SNTB2: variants seen among roughly 807,000 people sequenced by gnomAD.
SNTB2 encodes the protein beta-2-syntrophin.
SNTB2 carries 34 observed loss-of-function variants against 46.2 expected under a neutral mutation model. The observed-to-expected ratio is 0.74, with a 90% CI of 0.56 to 0.98. The LOEUF (loss-of-function observed/expected upper bound fraction) is 0.98, where lower values mean the gene tolerates loss of function less well. Ranked by LOEUF, SNTB2 falls within the 50% of genes least tolerant of loss-of-function variation. The pLI is 0.00. For synonymous variants in SNTB2, 290 were observed against 312.6 expected (o/e 0.93, Z 0.76); for missense variants, 603 against 731.4 (o/e 0.82, Z 2.02).
chr16:69,296,069 C>T (rs750185985), intron 5 of SNTB2, among the ~76,000 whole-genome samples: 3 of 151,788 alleles, frequency 2.0e-5, no homozygotes, highest in East Asian at 1.9e-4. Context: ...CACCTGAGGT[C>T]GGGAGTTCGA....
intron 1 of SNTB2, among the ~76,000 whole-genome samples, chr16:69,213,651 C>T (rs563232137): frequency 9.9e-5 from 15 of 151,910 alleles, no homozygotes; most frequent in African/African-American, 3.6e-4. Flanking sequence ...AGGCGCGTGC[C>T]ACCACGCCCG....
intron 5 of SNTB2, among the ~76,000 whole-genome samples, chr16:69,288,375 T>A (rs539933410): frequency 6.6e-6 from 1 of 152,358 alleles, no homozygotes; most frequent in South Asian, 2.1e-4. Flanking sequence ...TCCTTGTATT[T>A]TTAAATAGAC....
chr16:69,294,818 A>ATTTTTTTTTTTTTT (rs779924377), intron 5 of SNTB2, among the ~76,000 whole-genome samples: 1 of 140,108 alleles, frequency 7.1e-6, no homozygotes, highest in Non-Finnish European at 1.6e-5. Context: ...GTAGTTTTTG[A>ATTTTTTTTTTTTTT]TTTTTTTTTT....
intron 1 of SNTB2, among the ~76,000 whole-genome samples, chr16:69,211,928 C>G (rs187753343): frequency 6.6e-6 from 1 of 152,246 alleles, no homozygotes; most frequent in South Asian, 2.1e-4. Context: ...AGGAAAAAGT[C>G]TTTTATAGGT....
At chr16:69,262,601 A>G (rs770630957) in intron 3 of SNTB2, among the ~76,000 whole-genome samples, 26 of 152,158 alleles carry the variant, frequency 1.7e-4, no homozygotes, top group Non-Finnish European at 2.9e-4. Context: ...AGGCTAATTA[A>G]CATATCCATC....
chr16:69,201,119 G>A (rs759741156), intron 1 of SNTB2, among the ~76,000 whole-genome samples: 1 of 152,164 alleles, frequency 6.6e-6, no homozygotes, highest in African/African-American at 2.4e-5. Flanking sequence ...GAAAGCCATA[G>A]GAAAACAGCA....
intron 1 of SNTB2, chr16:69,235,634 G>T: frequency 8.5e-7 from 1 of 1,183,102 alleles, no homozygotes; most frequent in South Asian, 1.6e-5. Context: ...GGGAAGTGGG[G>T]AGCAGAAAGA....
chr16:69,278,274 C>G (rs1287341424), intron 4 of SNTB2, among the ~76,000 whole-genome samples: 1 of 151,894 alleles, frequency 6.6e-6, no homozygotes, highest in Non-Finnish European at 1.5e-5. Flanking sequence ...CAACACTGTG[C>G]TACTATACTC....
chr16:69,195,147 T>C (rs537699691), intron 1 of SNTB2, among the ~76,000 whole-genome samples: 1 of 152,324 alleles, frequency 6.6e-6, no homozygotes, highest in African/African-American at 2.4e-5. Flanking sequence ...CAAAAGTATA[T>C]AGAGCTCAAC....
chr16:69,196,724 A>AAAATAT (rs1261869008), intron 1 of SNTB2, among the ~76,000 whole-genome samples: 2 of 152,276 alleles, frequency 1.3e-5, no homozygotes, highest in South Asian at 4.1e-4. Context: ...ATCCCCATAT[A>AAAATAT]AAATATAAAT....
In SNTB2 at chr16:69,245,763, C is replaced by A. The variant is rs757657207; in HGVS notation, c.742C>A (p.Leu248Ile). The A allele has an allele frequency of 6.2e-7, 1 of 1,614,106 alleles. No individual in the cohort carries two copies. Among genetic ancestry groups the A allele is most frequent in the Non-Finnish European group, 8.5e-7 (1 of 1,180,022 alleles). Residue 248 changes from leucine (L) to isoleucine (I), a missense_variant, in exon 2 of 7, where the codon CTC (leucine) becomes ATC (isoleucine). This residue lies in a region of SNTB2 where 537 missense variants were observed against 692.4 expected (regional missense o/e 0.78). Transcript: ENST00000336278. ...NSTKDRKIIP[L>I]KMCFAARNLS... ...CACCAAGGACAGGAAGATCATCCCT[C>A]TCAAAATGTGCTTTGCTGCTAGAAA...
intron 2 of SNTB2, among the ~76,000 whole-genome samples, chr16:69,259,621 T>C (rs1358216297): frequency 6.7e-6 from 1 of 149,196 alleles, no homozygotes; most frequent in Non-Finnish European, 1.5e-5. Context: ...TTTTTTTTTT[T>C]GAGACGGAAT....
intron 2 of SNTB2, among the ~76,000 whole-genome samples, chr16:69,249,593 C>T (rs544258929): frequency 9.2e-5 from 14 of 152,196 alleles, no homozygotes; most frequent in African/African-American, 2.9e-4. Context: ...AAAGACATTT[C>T]GTGATGGTCA....
chr16:69,268,591 G>A (rs770730626), intron 3 of SNTB2, among the ~76,000 whole-genome samples: 24 of 152,292 alleles, frequency 1.6e-4, no homozygotes, highest in South Asian at 2.1e-4. Context: ...GAGGCCAGGC[G>A]CGTTGGCTCA....
chr16:69,237,714 T>G (rs1410950633), intron 1 of SNTB2, among the ~76,000 whole-genome samples: 1 of 151,478 alleles, frequency 6.6e-6, no homozygotes, highest in Admixed American at 6.6e-5. Context: ...GTGATTCTCC[T>G]GCCTCAGCCT....
chr16:69,270,179 G>A lies in SNTB2; in HGVS notation c.1042G>A (p.Val348Ile). 1.2e-6 allele frequency: 2 copies of A among 1,614,124 alleles called. No homozygotes were observed. The highest frequency in any genetic ancestry group is 3.3e-4 in the Middle Eastern group (2 of 6,062). ...TGGTGGAAGACAGCAATGGAGACCT[G>A]TCCTCATGGCTGTGACTGAGAAGGA... ...LDGGRQQWRP[V>I]LMAVTEKDLL... The change falls in exon 4 of 7, where the codon GTC becomes ATC. Residue 348 changes from valine (V) to isoleucine (I), a missense_variant. Val to Ile is a conservative substitution (Grantham distance 29, BLOSUM62 3). Transcript: ENST00000336278.
chr16:69,213,564 A>G (rs1964312076), intron 1 of SNTB2, among the ~76,000 whole-genome samples: 1 of 151,942 alleles, frequency 6.6e-6, no homozygotes, highest in South Asian at 2.1e-4. Context: ...CAGTGGCATA[A>G]TCTTGGCTCA....
intron 5 of SNTB2, among the ~76,000 whole-genome samples, chr16:69,298,634 G>T (rs533053467): frequency 2.1e-4 from 31 of 144,614 alleles, no homozygotes; most frequent in African/African-American, 7.2e-4. Context: ...CAGTTATCCT[G>T]CCTCAGCCTC....
intron 1 of SNTB2, among the ~76,000 whole-genome samples, chr16:69,241,243 C>G (rs1383507400): frequency 1.6e-5 from 2 of 128,008 alleles, no homozygotes; most frequent in Non-Finnish European, 3.1e-5. Flanking sequence ...GTGGCACAAT[C>G]TCAGCTCACT....
Sources: gnomAD v4.1 joint callset for allele counts (sites outside exome capture counted in the v4.1 genomes callset) on GRCh38, gnomAD v4.1.1 for gene constraint, gnomAD v4.1.1 regional missense constraint, MANE v1.5 for transcripts, NCBI Gene and HGNC (gene_info 2026-07-23, HGNC 2026-07-21) for gene names.